PALM2AKAP2: variants seen among roughly 807,000 people sequenced by gnomAD.
PALM2AKAP2 encodes the protein PALM2-AKAP2 fusion protein.
Under a neutral mutation model 71.5 loss-of-function variants are expected in PALM2AKAP2, and 37 were observed. That is an observed-to-expected ratio of 0.52 (90% CI 0.40 to 0.68). The LOEUF is 0.68. PALM2AKAP2 is among the 30% of genes least tolerant of loss of function. The pLI, the probability that PALM2AKAP2 is intolerant of heterozygous loss-of-function variation, is 0.00. For missense variants in PALM2AKAP2, 1,224 were observed against 1,191.8 expected (o/e 1.03, Z -0.40); for synonymous variants, 468 against 478.8 (o/e 0.98, Z 0.29).
rs1390248647 is a variant in PALM2AKAP2 at position 109,980,234 on chromosome 9, T to C, written c.497-35720T>C. Among the ~76,000 whole-genome samples, 14 of 152,162 alleles carry C rather than the reference T, an allele frequency of 9.2e-5. 1 individual carries two copies. ...GGGCCATGGGTCCTCCTCTTCTCAG[T>C]GTCCCTGGATAAAGTCATCTAATCA... On this transcript the variant is annotated intron_variant, in intron 6 of 9. Coordinates refer to the PALM2AKAP2 transcript ENST00000302798.
chr9:109,879,435 G>T (rs1416198616), intron 2 of PALM2AKAP2, among the ~76,000 whole-genome samples: 1 of 152,184 alleles, frequency 6.6e-6, no homozygotes, highest in Non-Finnish European at 1.5e-5. Context: ...ATGGTCACTG[G>T]TCCTTAGCCA....
intron 1 of PALM2AKAP2, among the ~76,000 whole-genome samples, chr9:109,690,581 A>G (rs554651540): frequency 6.6e-6 from 1 of 152,202 alleles, no homozygotes; most frequent in Non-Finnish European, 1.5e-5. Context: ...TTTGTAATAG[A>G]TATGCAATTG....
chr9:109,805,786 C>T (rs1564156980), intron 1 of PALM2AKAP2, among the ~76,000 whole-genome samples: 2 of 152,212 alleles, frequency 1.3e-5, no homozygotes, highest in African/African-American at 2.4e-5. Context: ...ACCACCTAGG[C>T]ATCTCCATGA....
At chr9:109,745,137 G>A (rs1828778442) in intron 1 of PALM2AKAP2, among the ~76,000 whole-genome samples, 1 of 152,156 alleles carries the variant, frequency 6.6e-6, no homozygotes, top group South Asian at 2.1e-4. Flanking sequence ...AGGGCATCAG[G>A]TCCAGATCAT....
At chr9:109,770,433 T>C (rs552097089) in intron 1 of PALM2AKAP2, among the ~76,000 whole-genome samples, 2 of 152,288 alleles carry the variant, frequency 1.3e-5, no homozygotes, top group South Asian at 4.2e-4. Flanking sequence ...TGTGAACTCT[T>C]CTCCCCTAAA....
At chr9:110,017,172 G>A (rs1832997808) in intron 7 of PALM2AKAP2, among the ~76,000 whole-genome samples, 1 of 152,144 alleles carries the variant, frequency 6.6e-6, no homozygotes, top group South Asian at 2.1e-4. Flanking sequence ...AGCCAAACTG[G>A]AGATATTTCT....
intron 1 of PALM2AKAP2, among the ~76,000 whole-genome samples, chr9:110,100,931 G>GA (rs1834982589): frequency 6.6e-6 from 1 of 152,170 alleles, no homozygotes; most frequent in African/African-American, 2.4e-5. Flanking sequence ...GGCTTCCGGG[G>GA]AGGTGAGTGC....
chr9:110,095,700 C>T (rs1317410518), intron 1 of PALM2AKAP2, among the ~76,000 whole-genome samples: 1 of 152,138 alleles, frequency 6.6e-6, no homozygotes, highest in African/African-American at 2.4e-5. Context: ...TTAATTCTTC[C>T]CTTCCATTGC....
intron 1 of PALM2AKAP2, among the ~76,000 whole-genome samples, chr9:109,791,670 T>C (rs1033653430): frequency 2.0e-5 from 3 of 152,142 alleles, no homozygotes; most frequent in African/African-American, 7.2e-5. Flanking sequence ...AGATCTCAGA[T>C]GTGCACAGGT....
At chr9:110,113,076 A>G (rs972871562) in intron 1 of PALM2AKAP2, among the ~76,000 whole-genome samples, 5 of 152,160 alleles carry the variant, frequency 3.3e-5, no homozygotes, top group African/African-American at 1.2e-4. Flanking sequence ...TCTGTGTACA[A>G]CAGCATACAT....
At chr9:110,153,502 T>A (rs1323648687) in intron 2 of PALM2AKAP2, among the ~76,000 whole-genome samples, 1 of 152,248 alleles carries the variant, frequency 6.6e-6, no homozygotes, top group East Asian at 1.9e-4. Flanking sequence ...ATGTTTTAAT[T>A]CATATATTTT....
chr9:109,831,456 C>G (rs1348524053), intron 1 of PALM2AKAP2, among the ~76,000 whole-genome samples: 1 of 152,160 alleles, frequency 6.6e-6, no homozygotes, highest in Admixed American at 6.5e-5. Context: ...TACCACCTGT[C>G]CTGTTGTGTG....
At chr9:109,859,629 T>C (rs1038389155) in intron 1 of PALM2AKAP2, among the ~76,000 whole-genome samples, 4 of 152,232 alleles carry the variant, frequency 2.6e-5, no homozygotes. Context: ...CTTTTACAGA[T>C]AGATGGCAAG....
intron 6 of PALM2AKAP2, among the ~76,000 whole-genome samples, chr9:110,008,913 T>G (rs1832829653): frequency 6.7e-6 from 1 of 150,270 alleles, no homozygotes; most frequent in African/African-American, 2.4e-5. Flanking sequence ...GACACCTTGC[T>G]GCCCACATCC....
chr9:109,839,223 G>T lies in PALM2AKAP2; in HGVS notation c.46-28268G>T, dbSNP rs535384841. 7.9e-5 allele frequency among the ~76,000 whole-genome samples: 12 copies of T among 152,268 alleles called. No homozygotes were observed. The South Asian group carries it at 2.1e-3, about 26-fold the overall frequency. On this transcript the variant is annotated intron_variant, in intron 1 of 9. Coordinates refer to the PALM2AKAP2 transcript ENST00000302798. ...GGCTTCATCCCTGGGATTCAAGGCT[G>T]GTTCAACATATGTAAATCAATAAAC...
intron 6 of PALM2AKAP2, among the ~76,000 whole-genome samples, chr9:109,983,366 C>T (rs1402190193): frequency 6.6e-6 from 1 of 152,144 alleles, no homozygotes; most frequent in African/African-American, 2.4e-5. Context: ...GCTCTCTCCT[C>T]TCTCACCATT....
At chr9:109,900,046 C>T (rs1245690109) in intron 3 of PALM2AKAP2, among the ~76,000 whole-genome samples, 1 of 152,156 alleles carries the variant, frequency 6.6e-6, no homozygotes, top group Admixed American at 6.5e-5. Flanking sequence ...AACATATTTA[C>T]ATAAAGAAAG....
intron 6 of PALM2AKAP2, among the ~76,000 whole-genome samples, chr9:109,958,343 T>C (rs1161710125): frequency 6.6e-6 from 1 of 152,238 alleles, no homozygotes; most frequent in Non-Finnish European, 1.5e-5. Context: ...CTTGGGTCTA[T>C]TTTGAAAACA....
intron 1 of PALM2AKAP2, among the ~76,000 whole-genome samples, chr9:110,096,926 C>CTTTT (rs1834855320): frequency 7.4e-6 from 1 of 136,022 alleles, no homozygotes; most frequent in Admixed American, 7.6e-5. Flanking sequence ...ACAGAATTTT[C>CTTTT]TTTTTATTTA....
Sources: allele counts gnomAD v4.1 joint callset (sites outside exome capture counted in the v4.1 genomes callset), GRCh38; gene constraint gnomAD v4.1.1; transcripts MANE v1.5; gene names NCBI Gene and HGNC (gene_info 2026-07-23, HGNC 2026-07-21).